Variants in ARHGEF6 observed in about 807,000 individuals in gnomAD.
The protein encoded by ARHGEF6 is rho guanine nucleotide exchange factor 6.
In ARHGEF6, 9 loss-of-function variants were observed where a neutral mutation model predicts 70.3. The observed-to-expected ratio is 0.13, with a 90% confidence interval of 0.08 to 0.22. The LOEUF (loss-of-function observed/expected upper bound fraction) is 0.22. Ranked by LOEUF, ARHGEF6 falls within the 10% of genes least tolerant of loss-of-function variation. ARHGEF6 has a pLI of 1.00. For synonymous variants in ARHGEF6, 201 were observed against 207.8 expected, an observed-to-expected ratio of 0.97 and a Z score of 0.28; for missense variants, 470 against 563.0, an observed-to-expected ratio of 0.83 and a Z score of 1.67.
intron 2 of ARHGEF6, among the ~76,000 whole-genome samples, chrX:136,762,491 T>A (rs1359804003): frequency 9.9e-5 from 11 of 111,163 alleles, no homozygotes; most frequent in Admixed American, 7.6e-4. Context: ...GGAAGAGGCA[T>A]ATACTTTTTT....
intron 2 of ARHGEF6, among the ~76,000 whole-genome samples, chrX:136,758,809 A>T (rs2077237006): frequency 9.0e-6 from 1 of 111,581 alleles, no homozygotes; most frequent in Admixed American, 9.5e-5. Context: ...TCTAAAATGA[A>T]ATTTTAGAAG....
intron 18 of ARHGEF6, among the ~76,000 whole-genome samples, chrX:136,675,497 C>T (rs1279865849): frequency 9.1e-6 from 1 of 110,128 alleles, no homozygotes; most frequent in African/African-American, 3.3e-5. Context: ...CCTCATTAAC[C>T]CCACTCAATT....
Position 136,682,910 on chromosome X carries a change from G to A in ARHGEF6, c.1393-66C>T, listed in dbSNP as rs1243741740. The A allele has an allele frequency of 1.4e-5, 12 of 886,339 alleles. No individual in the cohort carries two copies. The African/African-American group carries it at 2.2e-4, about 16-fold the overall frequency. 73.0% of individuals were successfully genotyped at this position (886,339 alleles called of 1,213,427 possible). ...ACACTTTATCTGTTGAGAATTTCTG[G>A]AATCACTGCCTTATAACATAGACCT... On this transcript the variant is annotated intron_variant, in intron 12 of 21. Transcript: ENST00000250617.
Position 136,708,784 on chromosome X carries a change from A to G in ARHGEF6, c.828-14T>C. On this transcript the variant is annotated splice_polypyrimidine_tract_variant and intron_variant, in intron 7 of 21. Coordinates refer to ENST00000250617, the MANE Select transcript of ARHGEF6 (RefSeq NM_004840.3). The stretch of plus-strand genomic sequence containing the variant: ...ACAGTACTCAGACTGAAAAAAAAAT[A>G]CAGTACATGTAGTTATCTATTGTAG... 3 of 1,120,245 alleles carry G rather than the reference A, an allele frequency of 2.7e-6. No homozygotes were observed. Among genetic ancestry groups the G allele is most frequent in the South Asian group, 3.7e-5 (2 of 54,730 alleles). The allele number at this position is 1,120,245 out of a possible 1,213,427, so 92.3% of individuals were successfully genotyped here. A position where few individuals can be genotyped will look rare whatever the true frequency, so the allele number is the denominator to read the frequency against.
intron 6 of ARHGEF6, among the ~76,000 whole-genome samples, chrX:136,719,480 T>C (rs1419566697): frequency 9.0e-6 from 1 of 111,322 alleles, no homozygotes; most frequent in South Asian, 3.7e-4. Context: ...AAGAAGAACA[T>C]TAAAATGTGC....
At chrX:136,690,334 G>A (rs751157257) in intron 10 of ARHGEF6, among the ~76,000 whole-genome samples, 1 of 111,437 alleles carries the variant, frequency 9.0e-6, no homozygotes, top group Non-Finnish European at 1.9e-5. Flanking sequence ...TAGCAAGTAA[G>A]CATAGACTTA....
chrX:136,747,980 G>A (rs112311432), intron 2 of ARHGEF6, among the ~76,000 whole-genome samples: 1,614 of 111,908 alleles, frequency 0.014, 28 homozygotes, highest in African/African-American at 0.05. Flanking sequence ...TAATGTCCTC[G>A]ACAGTCCATA....
intron 9 of ARHGEF6, among the ~76,000 whole-genome samples, chrX:136,697,459 G>A (rs1372032489): frequency 8.9e-6 from 1 of 112,040 alleles, no homozygotes; most frequent in Non-Finnish European, 1.9e-5. Flanking sequence ...AGATCAGATG[G>A]TGGAGCAATT....
intron 2 of ARHGEF6, among the ~76,000 whole-genome samples, chrX:136,755,899 C>T (rs2077201115): frequency 9.0e-6 from 1 of 111,509 alleles, no homozygotes; most frequent in East Asian, 2.8e-4. Context: ...GATAAATAAC[C>T]ATTCATTGGT....
chrX:136,735,055 A>G (rs1452277360), intron 5 of ARHGEF6, among the ~76,000 whole-genome samples: 2 of 112,169 alleles, frequency 1.8e-5, no homozygotes, highest in African/African-American at 6.5e-5. Flanking sequence ...ACTGAATGCT[A>G]AATGCTTTCC....
At chrX:136,771,110 G>T (rs901804032) in intron 2 of ARHGEF6, among the ~76,000 whole-genome samples, 6 of 112,345 alleles carry the variant, frequency 5.3e-5, no homozygotes, top group African/African-American at 1.9e-4. Context: ...GGAATAAATT[G>T]AACCAAGCAG....
intron 6 of ARHGEF6, among the ~76,000 whole-genome samples, chrX:136,724,329 C>T (rs1021279024): frequency 4.5e-5 from 5 of 111,081 alleles, no homozygotes; most frequent in Admixed American, 9.5e-5. Flanking sequence ...CCACCCATCT[C>T]GGCCTCCCAA....
chrX:136,688,140 G>C (rs2076423438), intron 10 of ARHGEF6, 149 bp from the exon 11 acceptor site: 2 of 494,446 alleles, frequency 4.0e-6, no homozygotes, highest in Admixed American at 5.7e-5. Context: ...TTGTGGTCAT[G>C]GTAACATGAA....
intron 6 of ARHGEF6, among the ~76,000 whole-genome samples, chrX:136,731,189 C>T (rs916190415): frequency 1.8e-5 from 2 of 112,168 alleles, no homozygotes; most frequent in Non-Finnish European, 3.8e-5. Context: ...CTCTATTGCT[C>T]ATGTCATCAT....
At chrX:136,685,617 A>C in intron 12 of ARHGEF6, 60 bp downstream of exon 12, 9 of 1,163,676 alleles carry the variant, frequency 7.7e-6, no homozygotes, top group Non-Finnish European at 9.2e-6. Context: ...AAAAAAAAAA[A>C]AAAAAGGAAG....
At chrX:136,703,901 A>C (rs1023696820) in intron 9 of ARHGEF6, among the ~76,000 whole-genome samples, 2 of 112,950 alleles carry the variant, frequency 1.8e-5, no homozygotes, top group Non-Finnish European at 3.7e-5. Context: ...ACTATACAGT[A>C]GAGTGTAAAT....
At chrX:136,734,505 T>A (rs2076967009) in intron 5 of ARHGEF6, among the ~76,000 whole-genome samples, 1 of 112,068 alleles carries the variant, frequency 8.9e-6, no homozygotes, top group Non-Finnish European at 1.9e-5. Context: ...ATTGAACTTA[T>A]AAATTTAAAA....
At chrX:136,706,763 A>G in intron 9 of ARHGEF6, 145 bp downstream of exon 9, 1 of 806,136 alleles carries the variant, frequency 1.2e-6, no homozygotes, top group Middle Eastern at 2.9e-4. Flanking sequence ...GGATTAATGG[A>G]CAATCAATCC....
intron 5 of ARHGEF6, among the ~76,000 whole-genome samples, chrX:136,735,069 T>C (rs931716626): frequency 1.5e-4 from 17 of 112,223 alleles, no homozygotes; most frequent in Non-Finnish European, 2.8e-4. Flanking sequence ...GCTTTCCCCC[T>C]AAGATCAGGA....
Sources: allele counts gnomAD v4.1 joint callset (sites outside exome capture counted in the v4.1 genomes callset), GRCh38; gene constraint gnomAD v4.1.1; transcripts MANE v1.5; gene names NCBI Gene and HGNC (gene_info 2026-07-23, HGNC 2026-07-21).